Variants in PLXNB2 observed in about 807,000 individuals in gnomAD.
The protein encoded by PLXNB2 is plexin-B2.
A neutral mutation model predicts 202.6 loss-of-function variants in PLXNB2; 85 were observed. The observed-to-expected ratio is 0.42, with a 90% CI of 0.35 to 0.50. PLXNB2 has a LOEUF of 0.50. Among genes scored for constraint, PLXNB2 ranks in the 20% least tolerant of loss-of-function variants. PLXNB2 has a pLI of 0.02. For missense variants in PLXNB2, 2,063 were observed against 2,586.2 expected (o/e 0.80, Z 4.39); for synonymous variants, 1,239 against 1,137.6 (o/e 1.09, Z -1.79).
At position 50,286,113 on chromosome 22, in the gene PLXNB2, G is replaced by T. The variant is rs369874065; in HGVS notation, c.1878-15C>A. ...AGGAGATGCACCTGCATCCAGAGGGGATCGTGAGCAGGGCTGGGGTGGACG... is the reference window on the plus strand; with the variant it reads ...AGGAGATGCACCTGCATCCAGAGGGTATCGTGAGCAGGGCTGGGGTGGACG... On this transcript the variant is annotated splice_polypyrimidine_tract_variant and intron_variant, in intron 9 of 36. Coordinates refer to ENST00000359337, the MANE Select transcript of PLXNB2 (RefSeq NM_012401.4). The T allele has an allele frequency of 2.4e-5, 39 of 1,611,492 alleles. No homozygotes were observed. In the African/African-American group the frequency reaches 4.1e-4, roughly 17 times the overall value.
rs1046951926 is a variant in PLXNB2, at chr22:50,275,373, C to T, written c.*331G>A. The stretch of plus-strand genomic sequence containing the variant: ...TAGGGCATGGAGGCGGCTGCTGGTG[C>T]GTGGGCGGAGGCGGAGGCCAGCTGC... On this transcript the variant is annotated 3_prime_UTR_variant, in exon 37 of 37. Coordinates refer to ENST00000359337, the MANE Select transcript of PLXNB2 (RefSeq NM_012401.4). The T allele has an allele frequency of 1.1e-5, 5 of 475,980 alleles. No individual in the cohort carries two copies. Among genetic ancestry groups the T allele is most frequent in the South Asian group, 3.1e-5 (2 of 64,652 alleles). The allele number at this position is 475,980 out of a possible 1,614,324, so 29.5% of individuals were successfully genotyped here. A position where few individuals can be genotyped will look rare whatever the true frequency, so the allele number is the denominator to read the frequency against.
chr22:50,298,473 G>A (rs1454049428), intron 1 of PLXNB2, among the ~76,000 whole-genome samples: 1 of 152,192 alleles, frequency 6.6e-6, no homozygotes, highest in Admixed American at 6.5e-5. Context: ...TAAGGGGGAA[G>A]GACAGAGCCC....
chr22:50,287,647 A>G lies in PLXNB2; in HGVS notation c.1608+20T>C, dbSNP rs752806544. 14 of 1,530,762 alleles carry G rather than the reference A, an allele frequency of 9.1e-6. No homozygotes were observed. Among genetic ancestry groups the G allele is most frequent in the Non-Finnish European group, 1.8e-6 (2 of 1,142,350 alleles). The allele number at this position is 1,530,762 out of a possible 1,614,324, so 94.8% of individuals were successfully genotyped here. A position where few individuals can be genotyped will look rare whatever the true frequency, so the allele number is the denominator to read the frequency against. On this transcript the variant is annotated intron_variant, in intron 7 of 36. Coordinates refer to ENST00000359337, the MANE Select transcript of PLXNB2 (RefSeq NM_012401.4). ...GCCCGGCCTGGGGCCCAGGACCCCC[A>G]CCCCAGACCCACCACGCACCTCCCC...
chr22:50,301,286 G>T, intron 1 of PLXNB2: 1 of 543,034 alleles, frequency 1.8e-6, no homozygotes, highest in Non-Finnish European at 2.4e-6. Context: ...CACAGCTGCA[G>T]CCCCCTCTTG....
Position 50,288,611 on chromosome 22 carries a change from C to T in PLXNB2, c.1380+132G>A. 1 of 1,308,282 alleles carries T rather than the reference C, an allele frequency of 7.6e-7. No homozygotes were observed. Among genetic ancestry groups the T allele is most frequent in the Non-Finnish European group, 1.0e-6 (1 of 965,980 alleles). The allele number at this position is 1,308,282 out of a possible 1,614,324, so 81.0% of individuals were successfully genotyped here. Reference sequence around the variant, plus strand: ...GGGACCCACCCAGCCACCCCTCATCCAGACCAAGGAGAAGGGCCCAGCTCT... The same window carrying T: ...GGGACCCACCCAGCCACCCCTCATCTAGACCAAGGAGAAGGGCCCAGCTCT... On this transcript the variant is annotated intron_variant, in intron 5 of 36. Coordinates refer to ENST00000359337, the MANE Select transcript of PLXNB2 (RefSeq NM_012401.4). The surrounding 1 kb of genome is among the most constrained non-coding windows in gnomAD (Gnocchi z 5.0).
chr22:50,283,309 C>A, intron 16 of PLXNB2, 28 bp downstream of exon 16: 1 of 1,610,204 alleles, frequency 6.2e-7, no homozygotes, highest in Non-Finnish European at 8.5e-7. Flanking sequence ...CTCCCGGGTT[C>A]GGCAGGTCCC....
chr22:50,279,544 G>A (rs1173080367), intron 27 of PLXNB2, 86 bp downstream of exon 27: 1 of 1,332,592 alleles, frequency 7.5e-7, no homozygotes, highest in Non-Finnish European at 1.1e-6. Context: ...CCTCTGGCCT[G>A]TGGGTCCCAT....
rs375533858 is a variant in PLXNB2, at chr22:50,284,116, C to A, written c.2263+16G>T. ...CCCGTCCCCTGCCCGCCCCCCACTG[C>A]GCCCGTGGCCCCCACCATGGAGCTT... is the stretch of plus-strand genomic sequence containing the variant. On this transcript the variant is annotated intron_variant, in intron 13 of 36. Transcript: ENST00000359337. This position sits in a 1 kb window ranked among gnomAD's most constrained non-coding sequence, Gnocchi z 8.0. 2 of 1,604,772 alleles carry A rather than the reference C, an allele frequency of 1.2e-6. No homozygotes were observed. Among genetic ancestry groups the A allele is most frequent in the Admixed American group, 1.7e-5 (1 of 59,910 alleles).
Position 50,275,890 on chromosome 22 carries a change from TC to T in PLXNB2, c.5410del (p.Glu1804ArgfsTer49). 1 of 1,612,228 alleles carries T rather than the reference TC, an allele frequency of 6.2e-7. No homozygotes were observed. The highest frequency in any genetic ancestry group is 8.5e-7 in the Non-Finnish European group (1 of 1,179,702). ...CCGCCCCCGGGGGCCTGACCCTACC[TC>T]GTCATAGTACTTCTGCGTGTATTGG... ...LYQYTQKYYD[E>X]IINALEEDPA... is the part of the protein sequence containing the mutation. On this transcript the variant is annotated frameshift_variant and splice_region_variant, in exon 36 of 37. Transcript: ENST00000359337. LOFTEE classifies it high-confidence loss of function.
At chr22:50,299,610 C>G (rs1034004636) in intron 1 of PLXNB2, among the ~76,000 whole-genome samples, 54 of 152,042 alleles carry the variant, frequency 3.6e-4, no homozygotes, top group African/African-American at 1.2e-3. Context: ...TGCCGCGGGG[C>G]GTGGGGCTGG....
At chr22:50,295,306 C>CA (rs760999233) in intron 1 of PLXNB2, among the ~76,000 whole-genome samples, 3,276 of 84,436 alleles carry the variant, frequency 0.039, 54 homozygotes, top group Admixed American at 0.072. Flanking sequence ...GACTTCGTCT[C>CA]AAAAAAAAAA....
Position 50,287,249 on chromosome 22 carries a change from T to A in PLXNB2, c.1624A>T (p.Ser542Cys). ...RAQGEVQLTV[S>C]PLPALSEEDE... Reference sequence around the variant, plus strand: ...TCCTCGCTCAGGGCAGGGAGGGGGCTGACGGTCAGCTGCACCTGAGGGAGG... The same window carrying A: ...TCCTCGCTCAGGGCAGGGAGGGGGCAGACGGTCAGCTGCACCTGAGGGAGG... Residue 542 changes from serine (S) to cysteine (C), a missense_variant, in exon 8 of 37, where the codon AGC becomes TGC. Coordinates refer to ENST00000359337, the MANE Select transcript of PLXNB2 (RefSeq NM_012401.4). The A allele has an allele frequency of 6.5e-7, 1 of 1,527,236 alleles. No homozygotes were observed. The highest frequency in any genetic ancestry group is 8.8e-7 in the Non-Finnish European group (1 of 1,133,920). The allele number at this position is 1,527,236 out of a possible 1,614,324, so 94.6% of individuals were successfully genotyped here.
Position 50,279,013 on chromosome 22 carries a change from T to G in PLXNB2, c.4390-2A>C, listed in dbSNP as rs1276744822. ...GTCCTGCACGATCACGCTCACCGTC[T>G]GCCGAGACATCCGGGATGAAGCCCA... is the stretch of plus-strand genomic sequence containing the variant. On this transcript the variant is annotated splice_acceptor_variant, in intron 27 of 36. Coordinates refer to ENST00000359337, the MANE Select transcript of PLXNB2 (RefSeq NM_012401.4). LOFTEE classifies it high-confidence loss of function. The G allele has an allele frequency of 6.2e-7, 1 of 1,602,256 alleles. No individual in the cohort carries two copies. Among genetic ancestry groups the G allele is most frequent in the Admixed American group, 1.7e-5 (1 of 59,408 alleles).
chr22:50,290,630 G>A (rs1387460018), intron 2 of PLXNB2, 33 bp from the exon 3 acceptor site: 14 of 1,502,420 alleles, frequency 9.3e-6, no homozygotes, highest in Admixed American at 4.3e-5. Flanking sequence ...GGGGAGCCCC[G>A]ACCCAGAGGA....
Position 50,284,075 on chromosome 22 carries a change from C to G in PLXNB2, c.2263+57G>C. ...CACTGCGCCCACCTGTCCCCCCACC[C>G]ACCGCCTTGTGCCCACCCGTCCCCT... On this transcript the variant is annotated intron_variant, in intron 13 of 36. Coordinates refer to ENST00000359337, the MANE Select transcript of PLXNB2 (RefSeq NM_012401.4). The surrounding 1 kb of genome is among the most constrained non-coding windows in gnomAD (Gnocchi z 8.0). The G allele has an allele frequency of 1.3e-6, 2 of 1,542,554 alleles. No homozygotes were observed. The highest frequency in any genetic ancestry group is 1.7e-6 in the Non-Finnish European group (2 of 1,146,298).
chr22:50,287,596 T>C (rs2066551341), intron 7 of PLXNB2, 71 bp downstream of exon 7: 1 of 1,413,616 alleles, frequency 7.1e-7, no homozygotes, highest in Admixed American at 2.2e-5. Context: ...TCCCAACAGC[T>C]CCCAGCATGG....
In PLXNB2 at chr22:50,288,074, G is replaced by C; in HGVS notation, c.1381-37C>G. 6.8e-7 allele frequency: 1 copy of C among 1,465,548 alleles called. No homozygotes were observed. Among genetic ancestry groups the C allele is most frequent in the Non-Finnish European group, 9.3e-7 (1 of 1,072,792 alleles). The allele number at this position is 1,465,548 out of a possible 1,614,324, so 90.8% of individuals were successfully genotyped here. A position where few individuals can be genotyped will look rare whatever the true frequency, so the allele number is the denominator to read the frequency against. On this transcript the variant is annotated intron_variant, in intron 5 of 36. Coordinates refer to ENST00000359337, the MANE Select transcript of PLXNB2 (RefSeq NM_012401.4). This position sits in a 1 kb window ranked among gnomAD's most constrained non-coding sequence, Gnocchi z 5.0. ...GGGCCGTGAGTGGGACCACAGCAGA[G>C]GCCGCACGGGCCTTCCGCAGACCCC... is the stretch of plus-strand genomic sequence containing the variant.
At chr22:50,295,736 G>A (rs953126590) in intron 1 of PLXNB2, among the ~76,000 whole-genome samples, 3 of 152,086 alleles carry the variant, frequency 2.0e-5, no homozygotes, top group African/African-American at 7.2e-5. Context: ...ATTCTGATGG[G>A]GAAGCCTGGG....
Position 50,289,777 on chromosome 22 carries a change from C to T in PLXNB2, c.808G>A (p.Asp270Asn), listed in dbSNP as rs750469859. 24 of 1,612,984 alleles carry T rather than the reference C, an allele frequency of 1.5e-5. No individual in the cohort carries two copies. Among genetic ancestry groups the T allele is most frequent in the Middle Eastern group, 1.7e-4 (1 of 6,060 alleles). Residue 270 changes from aspartate to asparagine, a missense_variant, in exon 3 of 37, where the codon GAC becomes AAC. Asp to Asn is a conservative substitution (Grantham distance 23). Around this residue, in one of 2 missense-constraint regions of PLXNB2, gnomAD observed 1,303 missense variants for 1,476.8 expected, o/e 0.88. Transcript: ENST00000359337. This position sits in a 1 kb window ranked among gnomAD's most constrained non-coding sequence, Gnocchi z 8.0. The part of the protein sequence containing the change: ...LEMDLQCRDP[D>N]IHAAAFGTCL... ...GTGCCAAAGGCAGCGGCGTGGATGT[C>T]GGGGTCCCGGCACTGCAGGTCCATC...
Sources: allele counts gnomAD v4.1 joint callset (sites outside exome capture counted in the v4.1 genomes callset), GRCh38; gene constraint gnomAD v4.1.1; regional missense constraint gnomAD v4.1.1; non-coding constraint Gnocchi (gnomAD v3.1); transcripts MANE v1.5; gene names NCBI Gene and HGNC (gene_info 2026-07-23, HGNC 2026-07-21).